Variants in PHLDB2 observed in about 807,000 individuals in gnomAD.
PHLDB2 encodes pleckstrin homology like domain family B member 2, also known as pleckstrin homology-like domain family B member 2.
In PHLDB2, 71 loss-of-function variants were observed where a neutral mutation model predicts 123.6. That is an observed-to-expected ratio of 0.57 (90% CI 0.47 to 0.70). The LOEUF (loss-of-function observed/expected upper bound fraction) is 0.70. Ranked by LOEUF, PHLDB2 falls within the 30% of genes least tolerant of loss-of-function variation. The pLI, the probability that PHLDB2 is intolerant of heterozygous loss-of-function variation, is 0.00. For synonymous variants in PHLDB2, 547 were observed against 541.6 expected, an observed-to-expected ratio of 1.01 and a Z score of -0.14; for missense variants, 1,446 against 1,519.5, an observed-to-expected ratio of 0.95 and a Z score of 0.80.
At chr3:111,813,960 G>T (rs2061958363) in intron 1 of PHLDB2, among the ~76,000 whole-genome samples, 1 of 152,162 alleles carries the variant, frequency 6.6e-6, no homozygotes, top group Non-Finnish European at 1.5e-5. Flanking sequence ...TATGTCATTT[G>T]TTCAAAATGC....
intron 1 of PHLDB2, among the ~76,000 whole-genome samples, chr3:111,775,652 A>T (rs757797765): frequency 2.2e-4 from 34 of 152,210 alleles, no homozygotes; most frequent in African/African-American, 7.7e-4. Flanking sequence ...AAGGTTAAAT[A>T]TAAAAGAAAC....
chr3:111,733,717 CT>C (rs1382013737), intron 1 of PHLDB2, among the ~76,000 whole-genome samples: 1 of 152,154 alleles, frequency 6.6e-6, no homozygotes, highest in Non-Finnish European at 1.5e-5. Flanking sequence ...AAATTTTCCC[CT>C]TCAAGTCTAC....
exon 2 of PHLDB2, chr3:111,845,898 G>A (rs2063961650): frequency 1.2e-6 from 2 of 1,614,054 alleles, no homozygotes; most frequent in Non-Finnish European, 1.7e-6. Flanking sequence ...AGAGAGAGGT[G>A]CCCAAGGAAG....
intron 10 of PHLDB2, 103 bp downstream of exon 10, chr3:111,949,178 G>GTA: frequency 7.4e-7 from 1 of 1,355,066 alleles, no homozygotes; most frequent in South Asian, 1.3e-5. Context: ...CATGACAAAT[G>GTA]TATATCTGTT....
At chr3:111,927,637 T>A (rs939818908) in intron 5 of PHLDB2, among the ~76,000 whole-genome samples, 4 of 152,206 alleles carry the variant, frequency 2.6e-5, no homozygotes, top group Admixed American at 1.3e-4. Context: ...ACAGAATCAT[T>A]TTGTATTGTA....
intron 2 of PHLDB2, 115 bp from the exon 3 acceptor site, chr3:111,913,204 G>T: frequency 8.7e-7 from 1 of 1,143,938 alleles, no homozygotes; most frequent in Non-Finnish European, 1.2e-6. Flanking sequence ...CCAAGTGTTT[G>T]TGGGTTTATG....
intron 1 of PHLDB2, among the ~76,000 whole-genome samples, chr3:111,842,811 C>G (rs2063753670): frequency 6.6e-6 from 1 of 152,214 alleles, no homozygotes; most frequent in South Asian, 2.1e-4. Context: ...TTTTCTGTCT[C>G]TATAGATTTA....
At chr3:111,943,460 G>T (rs915485952) in intron 8 of PHLDB2, among the ~76,000 whole-genome samples, 4 of 152,062 alleles carry the variant, frequency 2.6e-5, no homozygotes, top group Admixed American at 6.6e-5. Flanking sequence ...TACTTTTATA[G>T]CCTTGAGTAA....
Position 111,932,258 on chromosome 3 carries a change from C to T in PHLDB2, c.2002-11C>T. The T allele has an allele frequency of 1.3e-6, 2 of 1,549,944 alleles. No homozygotes were observed. Among genetic ancestry groups the T allele is most frequent in the Non-Finnish European group, 1.7e-6 (2 of 1,146,158 alleles). On this transcript the variant is annotated splice_polypyrimidine_tract_variant and intron_variant, in intron 5 of 17. Coordinates refer to ENST00000431670, the MANE Select transcript of PHLDB2 (RefSeq NM_001134438.2). Reference sequence around the variant, plus strand: ...TAATTTCTATTCTATTTTCTGGTTTCTGAACTTCAGGAGAAGGTAAAGCTT... The same window carrying T: ...TAATTTCTATTCTATTTTCTGGTTTTTGAACTTCAGGAGAAGGTAAAGCTT...
At chr3:111,774,963 G>A (rs2060242353) in intron 1 of PHLDB2, among the ~76,000 whole-genome samples, 1 of 152,190 alleles carries the variant, frequency 6.6e-6, no homozygotes, top group Non-Finnish European at 1.5e-5. Context: ...GCCATAAGGA[G>A]TGAGTTGGAG....
At chr3:111,840,352 G>C (rs2063627860) in intron 1 of PHLDB2, among the ~76,000 whole-genome samples, 1 of 152,208 alleles carries the variant, frequency 6.6e-6, no homozygotes, top group South Asian at 2.1e-4. Context: ...TACTAATATA[G>C]TATTTAAATT....
chr3:111,866,929 G>GT (rs1559875523), intron 1 of PHLDB2, among the ~76,000 whole-genome samples: 3 of 99,008 alleles, frequency 3.0e-5, no homozygotes, highest in East Asian at 2.8e-4. Context: ...AGTTTCTAAG[G>GT]GGTGTGTGTG....
At chr3:111,909,491 G>A (rs1182259857) in intron 2 of PHLDB2, among the ~76,000 whole-genome samples, 1 of 152,156 alleles carries the variant, frequency 6.6e-6, no homozygotes, top group Non-Finnish European at 1.5e-5. Context: ...CCGCTACTCT[G>A]GAGGCTGAGG....
chr3:111,872,046 G>C lies in PHLDB2; in HGVS notation c.-14-12018G>C, dbSNP rs1051375252. ...AGGTGATAAAATAACAAGAGCACTG[G>C]GTGGATTTAATTTATGGATTGGAAA... is the stretch of plus-strand genomic sequence containing the variant. On this transcript the variant is annotated intron_variant, in intron 1 of 17. Transcript: ENST00000431670. 4.6e-5 allele frequency among the ~76,000 whole-genome samples: 7 copies of C among 152,302 alleles called. No individual in the cohort carries two copies. In the East Asian group the frequency reaches 1.4e-3, roughly 29 times the overall value.
At chr3:111,836,758 G>T (rs2063422528) in intron 1 of PHLDB2, among the ~76,000 whole-genome samples, 1 of 152,164 alleles carries the variant, frequency 6.6e-6, no homozygotes, top group Non-Finnish European at 1.5e-5. Context: ...GTGACAGGAG[G>T]TGAGGGGGAC....
At chr3:111,861,752 A>T (rs376471350) in intron 1 of PHLDB2, among the ~76,000 whole-genome samples, 1 of 152,216 alleles carries the variant, frequency 6.6e-6, no homozygotes, top group South Asian at 2.1e-4. Context: ...ACCTTTCCAG[A>T]AACGTTTTAT....
At chr3:111,735,556 G>A (rs544343269) in intron 1 of PHLDB2, among the ~76,000 whole-genome samples, 1 of 152,198 alleles carries the variant, frequency 6.6e-6, no homozygotes, top group Non-Finnish European at 1.5e-5. Flanking sequence ...TGCCTCACAT[G>A]TATCTCAAGT....
chr3:111,952,077 G>GTGGATT (rs2070748370), intron 10 of PHLDB2, among the ~76,000 whole-genome samples: 1 of 152,190 alleles, frequency 6.6e-6, no homozygotes, highest in African/African-American at 2.4e-5. Flanking sequence ...GAAACTTTAT[G>GTGGATT]TGGATTTGGA....
At chr3:111,918,102 T>C (rs2068283266) in intron 3 of PHLDB2, among the ~76,000 whole-genome samples, 1 of 152,200 alleles carries the variant, frequency 6.6e-6, no homozygotes, top group Non-Finnish European at 1.5e-5. Context: ...CCAGGTGATA[T>C]CCAAGATAAC....
Sources: allele counts gnomAD v4.1 joint callset (sites outside exome capture counted in the v4.1 genomes callset), GRCh38; gene constraint gnomAD v4.1.1; transcripts MANE v1.5; gene names NCBI Gene and HGNC (gene_info 2026-07-23, HGNC 2026-07-21).